SIPA1L2: variants seen among roughly 807,000 people sequenced by gnomAD.
SIPA1L2 encodes the protein signal-induced proliferation-associated 1-like protein 2.
SIPA1L2 carries 56 observed loss-of-function variants against 163.9 expected under a neutral mutation model. That is an observed-to-expected ratio of 0.34 (90% confidence interval 0.28 to 0.43). SIPA1L2 has a LOEUF of 0.43. SIPA1L2 is among the 20% of genes least tolerant of loss of function. The probability of loss-of-function intolerance (pLI) is 1.00; values close to 1 mark genes in which losing one functional copy is unlikely to be tolerated. For synonymous variants in SIPA1L2, 877 were observed against 865.7 expected (o/e 1.01, Z -0.23); for missense variants, 1,974 against 2,193.5 (o/e 0.90, Z 2.00).
At chr1:232,425,523 GA>G in intron 18 of SIPA1L2, 65 bp downstream of exon 18, 1 of 1,265,272 alleles carries the variant, frequency 7.9e-7, no homozygotes, top group Admixed American at 2.8e-5. Flanking sequence ...AGAGCTCAAT[GA>G]GGCAGGAGTT....
At chr1:232,629,710 C>G (rs867234344) in intron 1 of SIPA1L2, among the ~76,000 whole-genome samples, 159 bp downstream of exon 1, 1 of 152,084 alleles carries the variant, frequency 6.6e-6, no homozygotes, top group Non-Finnish European at 1.5e-5. Flanking sequence ...CCCTGCGCCG[C>G]GACCCTCGCA....
At chr1:232,607,937 C>A (rs1662026436) in intron 1 of SIPA1L2, among the ~76,000 whole-genome samples, 1 of 150,188 alleles carries the variant, frequency 6.7e-6, no homozygotes, top group Admixed American at 6.7e-5. Context: ...TGCCTGTAAT[C>A]CCAGCTACTC....
chr1:232,520,354 C>T (rs1380369476), intron 2 of SIPA1L2, among the ~76,000 whole-genome samples: 5 of 152,236 alleles, frequency 3.3e-5, no homozygotes, highest in Admixed American at 1.3e-4. Context: ...TAGGGAAGGC[C>T]ACCGACCAAA....
At chr1:232,541,603 G>A (rs1250214722) in intron 2 of SIPA1L2, among the ~76,000 whole-genome samples, 1 of 152,094 alleles carries the variant, frequency 6.6e-6, no homozygotes, top group Non-Finnish European at 1.5e-5. Context: ...ACAGTAAGTC[G>A]ATATTTTGGT....
intron 2 of SIPA1L2, among the ~76,000 whole-genome samples, chr1:232,544,747 A>G (rs1285610058): frequency 6.6e-6 from 1 of 152,228 alleles, no homozygotes; most frequent in African/African-American, 2.4e-5. Flanking sequence ...AGCAAATAAA[A>G]GATACCTAAC....
intron 1 of SIPA1L2, among the ~76,000 whole-genome samples, chr1:232,620,963 C>T (rs1054106096): frequency 6.6e-6 from 1 of 152,146 alleles, no homozygotes; most frequent in African/African-American, 2.4e-5. Flanking sequence ...TATTTAAATG[C>T]CTGAAATGTA....
chr1:232,516,690 T>C (rs1255037684), intron 2 of SIPA1L2, among the ~76,000 whole-genome samples: 1 of 152,178 alleles, frequency 6.6e-6, no homozygotes, highest in African/African-American at 2.4e-5. Context: ...ATATCTGCTA[T>C]TCTAAGACAT....
intron 2 of SIPA1L2, among the ~76,000 whole-genome samples, chr1:232,553,550 A>ACACGTTGT (rs1412790797): frequency 1.3e-5 from 2 of 152,058 alleles, no homozygotes; most frequent in East Asian, 3.9e-4. Flanking sequence ...TCACTATGTG[A>ACACGTTGT]CACGTTGTCT....
At chr1:232,604,675 A>G (rs571050292) in intron 1 of SIPA1L2, among the ~76,000 whole-genome samples, 52 of 152,218 alleles carry the variant, frequency 3.4e-4, no homozygotes, top group African/African-American at 9.4e-4. Context: ...GTAATCACCA[A>G]TGTTGGAGGT....
At chr1:232,480,043 C>G (rs1409624571) in intron 6 of SIPA1L2, among the ~76,000 whole-genome samples, 5 of 151,980 alleles carry the variant, frequency 3.3e-5, no homozygotes, top group Non-Finnish European at 7.4e-5. Context: ...TTTTTGCCAC[C>G]AAGTGCACAG....
At chr1:232,431,703 T>C (rs201290041) in intron 16 of SIPA1L2, among the ~76,000 whole-genome samples, 4 of 142,306 alleles carry the variant, frequency 2.8e-5, no homozygotes, top group African/African-American at 9.7e-5. Flanking sequence ...GGCATCAGCA[T>C]AGTTTTCACA....
At chr1:232,478,196 C>G (rs1252821732) in intron 7 of SIPA1L2, among the ~76,000 whole-genome samples, 1 of 152,046 alleles carries the variant, frequency 6.6e-6, no homozygotes, top group Non-Finnish European at 1.5e-5. Context: ...GATTTTAAGT[C>G]TATGCTTAAA....
intron 7 of SIPA1L2, among the ~76,000 whole-genome samples, chr1:232,474,975 A>C (rs1401630471): frequency 6.6e-6 from 1 of 152,232 alleles, no homozygotes; most frequent in African/African-American, 2.4e-5. Flanking sequence ...GGGGGAAAGC[A>C]GGCTGTACAA....
At chr1:232,490,586 C>T (rs201127709) in intron 5 of SIPA1L2, 1 of 281,772 alleles carries the variant, frequency 3.5e-6, no homozygotes, top group Non-Finnish European at 6.6e-6. Flanking sequence ...AAAAAAACTA[C>T]TATTGACTTC....
At chr1:232,596,465 C>A (rs1444320772) in intron 1 of SIPA1L2, among the ~76,000 whole-genome samples, 1 of 152,192 alleles carries the variant, frequency 6.6e-6, no homozygotes, top group East Asian at 1.9e-4. Flanking sequence ...CCCAAATCAC[C>A]AACAAGGAAG....
chr1:232,535,247 T>G (rs1424042974), intron 2 of SIPA1L2, among the ~76,000 whole-genome samples: 2 of 151,764 alleles, frequency 1.3e-5, no homozygotes, highest in African/African-American at 2.4e-5. Context: ...ACAACATATG[T>G]TTTTTTTTAA....
chr1:232,624,236 T>C (rs1662962202), intron 1 of SIPA1L2, among the ~76,000 whole-genome samples: 1 of 152,226 alleles, frequency 6.6e-6, no homozygotes, highest in Admixed American at 6.5e-5. Context: ...AACCACTGTT[T>C]CTTGCATTAG....
At chr1:232,472,122 A>G (rs974495886) in intron 7 of SIPA1L2, among the ~76,000 whole-genome samples, 1 of 152,218 alleles carries the variant, frequency 6.6e-6, no homozygotes, top group Non-Finnish European at 1.5e-5. Flanking sequence ...AATTTTATAA[A>G]TCACAAATCT....
rs1662920239 is a variant in SIPA1L2, at chr1:232,441,888, G to A, written c.3438-20C>T. 2 of 1,599,514 alleles carry A rather than the reference G, an allele frequency of 1.3e-6. No individual in the cohort carries two copies. The highest frequency in any genetic ancestry group is 1.3e-5 in the African/African-American group (1 of 74,706). ...TGGCACCTGAAAAGAACACAGAGTT[G>A]AGCCTGTCCTTTCTCAACCGTGCCA... On this transcript the variant is annotated intron_variant, in intron 12 of 22. Transcript: ENST00000674635.
Sources: allele counts gnomAD v4.1 joint callset (sites outside exome capture counted in the v4.1 genomes callset), GRCh38; gene constraint gnomAD v4.1.1; transcripts MANE v1.5; gene names NCBI Gene and HGNC (gene_info 2026-07-23, HGNC 2026-07-21).